UNC13C: variants seen among roughly 807,000 people sequenced by gnomAD.
UNC13C encodes unc-13 homolog C, also known as protein unc-13 homolog C.
UNC13C carries 174 observed loss-of-function variants against 245.4 expected under a neutral mutation model. That is an observed-to-expected ratio of 0.71 (90% CI 0.63 to 0.80). The LOEUF is 0.80. Ranked by LOEUF, UNC13C falls within the 30% of genes least tolerant of loss-of-function variation. The probability of loss-of-function intolerance (pLI) is 0.00; values close to 1 mark genes in which losing one functional copy is unlikely to be tolerated. For missense variants in UNC13C, 2,829 were observed against 2,602.9 expected (o/e 1.09, Z -1.89); for synonymous variants, 992 against 895.1 (o/e 1.11, Z -1.93).
chr15:54,239,323 A>G (rs1442649529), intron 7 of UNC13C, among the ~76,000 whole-genome samples: 1 of 152,194 alleles, frequency 6.6e-6, no homozygotes, highest in East Asian at 1.9e-4. Context: ...ACATATCAGT[A>G]AAACAAAACA....
chr15:54,061,719 C>G (rs967302695), intron 2 of UNC13C, among the ~76,000 whole-genome samples: 4 of 152,140 alleles, frequency 2.6e-5, no homozygotes, highest in African/African-American at 9.7e-5. Flanking sequence ...TTCTATAAAA[C>G]CTTTTCGTGA....
At chr15:54,613,890 T>A (rs1030739291) in intron 30 of UNC13C, among the ~76,000 whole-genome samples, 6 of 151,970 alleles carry the variant, frequency 3.9e-5, no homozygotes, top group African/African-American at 1.4e-4. Flanking sequence ...ATCTTTCCGT[T>A]ATGGAGCTTA....
chr15:54,317,518 A>G (rs534153919), intron 13 of UNC13C, among the ~76,000 whole-genome samples: 4 of 151,936 alleles, frequency 2.6e-5, no homozygotes, highest in African/African-American at 4.8e-5. Flanking sequence ...TAATCTTCCC[A>G]TATTGCATTT....
intron 23 of UNC13C, among the ~76,000 whole-genome samples, chr15:54,509,479 T>G (rs1441865814): frequency 6.6e-6 from 1 of 152,228 alleles, no homozygotes; most frequent in Non-Finnish European, 1.5e-5. Flanking sequence ...GTTCCTAGTC[T>G]GAAACTTTCA....
chr15:54,165,854 C>A (rs1305652773), intron 4 of UNC13C, among the ~76,000 whole-genome samples: 1 of 151,902 alleles, frequency 6.6e-6, no homozygotes. Flanking sequence ...CCCTCCCTCC[C>A]TCTCTTTTTC....
chr15:54,365,652 G>T (rs1031576392), intron 17 of UNC13C, among the ~76,000 whole-genome samples: 1 of 151,948 alleles, frequency 6.6e-6, no homozygotes, highest in Admixed American at 6.6e-5. Context: ...TATGAGCCTT[G>T]GGAGACTCAG....
rs1450897135 is a variant in UNC13C at position 54,265,365 on chromosome 15, A to C, written c.3687A>C (p.Ala1229=). 2 of 1,559,578 alleles carry C rather than the reference A, an allele frequency of 1.3e-6. No individual in the cohort carries two copies. Among genetic ancestry groups the C allele is most frequent in the Non-Finnish European group, 1.7e-6 (2 of 1,150,808 alleles). Residue 1229 remains alanine (A), a synonymous_variant, in exon 10 of 33, where the codon GCA becomes GCC. Coordinates refer to ENST00000260323, the MANE Select transcript of UNC13C (RefSeq NM_001080534.3). ...TTTGGTTTATTTCAGTGGTTTCTGC[A>C]CAGGGTCTACAGGCAAAAGATAAAA... is the stretch of plus-strand genomic sequence containing the variant. ...SAKITITVVS[A]QGLQAKDKTG... is the part of the protein sequence containing the mutation.
downstream of UNC13C, chr15:54,632,799 A>C (rs1238669886): frequency 6.6e-6 from 1 of 152,188 alleles, no homozygotes; most frequent in Non-Finnish European, 1.5e-5. Flanking sequence ...TCTTGAACTC[A>C]GGTAGTAAGA....
At position 54,127,725 on chromosome 15, in the gene UNC13C, A is replaced by ATG. The variant is rs1334777507; in HGVS notation, c.2984-15293_2984-15292insTG. On this transcript the variant is annotated intron_variant, in intron 2 of 32. Transcript: ENST00000260323. Reference sequence around the variant, plus strand: ...TGTGTGTGTGTGTATATATATATATAAAATATATATTAAATATATATTTCA... The same window carrying ATG: ...TGTGTGTGTGTGTATATATATATATATGAAATATATATTAAATATATATTTCA... Among the ~76,000 whole-genome samples the ATG allele has an allele frequency of 3.4e-3, 497 of 146,462 alleles. 5 individuals carry two copies. The highest frequency in any genetic ancestry group is 0.012 in the African/African-American group (472 of 40,112).
At chr15:54,043,466 T>C (rs1896899148) in intron 2 of UNC13C, among the ~76,000 whole-genome samples, 1 of 152,238 alleles carries the variant, frequency 6.6e-6, no homozygotes, top group Non-Finnish European at 1.5e-5. Context: ...TGGTCAGATG[T>C]AGAAACCACA....
In UNC13C at chr15:54,014,776, G is replaced by C. The variant is rs1384015909; in HGVS notation, c.1873G>C (p.Val625Leu). 1 of 1,613,774 alleles carries C rather than the reference G, an allele frequency of 6.2e-7. No individual in the cohort carries two copies. The highest frequency in any genetic ancestry group is 1.3e-5 in the African/African-American group (1 of 74,914). Residue 625 changes from valine (V) to leucine (L), a missense_variant, in exon 2 of 33, where the codon GTG becomes CTG. Val to Leu is a conservative substitution (Grantham distance 32, BLOSUM62 1). Coordinates refer to ENST00000260323, the MANE Select transcript of UNC13C (RefSeq NM_001080534.3). ...GQTETENTET[V>L]DSGMSNGMVC... Reference sequence around the variant, plus strand: ...GACTGAAACTGAAAACACAGAAACTGTGGATAGTGGAATGAGTAATGGCAT... The same window carrying C: ...GACTGAAACTGAAAACACAGAAACTCTGGATAGTGGAATGAGTAATGGCAT...
chr15:54,525,494 C>A, intron 24 of UNC13C, 55 bp from the exon 25 acceptor site: 1 of 1,337,992 alleles, frequency 7.5e-7, no homozygotes, highest in South Asian at 1.3e-5. Context: ...GTAAGCAAAA[C>A]AGAGGCATGC....
chr15:54,015,088 G>A lies in UNC13C; in HGVS notation c.2185G>A (p.Glu729Lys). The A allele has an allele frequency of 6.2e-7, 1 of 1,612,752 alleles. No individual in the cohort carries two copies. Among genetic ancestry groups the A allele is most frequent in the Non-Finnish European group, 8.5e-7 (1 of 1,179,372 alleles). The change falls in exon 2 of 33, where the codon GAA becomes AAA. Residue 729 changes from glutamate to lysine, a missense_variant. Glu to Lys is a moderately conservative substitution (Grantham distance 56). Coordinates refer to ENST00000260323, the MANE Select transcript of UNC13C (RefSeq NM_001080534.3). ...NSSPCPGLDN[E>K]PQGQWVGQYD... ...TTCTCCATGCCCTGGCTTGGATAATGAACCACAAGGCCAGTGGGTTGGCCA... is the reference window on the plus strand; with the variant it reads ...TTCTCCATGCCCTGGCTTGGATAATAAACCACAAGGCCAGTGGGTTGGCCA...
At chr15:54,449,287 C>T (rs1257588579) in intron 19 of UNC13C, among the ~76,000 whole-genome samples, 2 of 152,064 alleles carry the variant, frequency 1.3e-5, no homozygotes, top group South Asian at 2.1e-4. Flanking sequence ...ATCTTTGTAG[C>T]CTTCTCTGTA....
At chr15:54,187,048 A>T (rs1277558829) in intron 4 of UNC13C, among the ~76,000 whole-genome samples, 1 of 151,794 alleles carries the variant, frequency 6.6e-6, no homozygotes, top group African/African-American at 2.4e-5. Flanking sequence ...GGGTTTCACC[A>T]TGTTGGCCAG....
intron 30 of UNC13C, among the ~76,000 whole-genome samples, chr15:54,594,634 C>G (rs1183119127): frequency 2.0e-5 from 3 of 152,084 alleles, no homozygotes; most frequent in Admixed American, 2.0e-4. Context: ...CAGGCCTCAC[C>G]CAGCTCCCGC....
At position 54,626,942 on chromosome 15, in the gene UNC13C, C is replaced by T; in HGVS notation, c.6474C>T (p.Asn2158=). ...GAATGACAGTCATTCAGCTACAGAA[C>T]ATAGCAGAAAAGGGAAGCTATGGGG... is the stretch of plus-strand genomic sequence containing the variant. ...IIGMTVIQLQ[N]IAEKGSYGAW... Residue 2158 remains asparagine (N), a synonymous_variant, in exon 33 of 33, where the codon AAC becomes AAT. Coordinates refer to ENST00000260323, the MANE Select transcript of UNC13C (RefSeq NM_001080534.3). 6.2e-7 allele frequency: 1 copy of T among 1,613,470 alleles called. No individual in the cohort carries two copies. The highest frequency in any genetic ancestry group is 8.5e-7 in the Non-Finnish European group (1 of 1,179,614).
intron 2 of UNC13C, among the ~76,000 whole-genome samples, chr15:54,099,659 G>C (rs915531765): frequency 2.0e-5 from 3 of 151,930 alleles, no homozygotes; most frequent in South Asian, 4.2e-4. Context: ...ATCTGTACTC[G>C]AATATTCCCC....
intron 10 of UNC13C, among the ~76,000 whole-genome samples, chr15:54,271,503 C>T (rs2036687830): frequency 6.6e-6 from 1 of 152,184 alleles, no homozygotes. Flanking sequence ...GAGAAAATGC[C>T]AGTATGGTCT....
Sources: allele counts gnomAD v4.1 joint callset (sites outside exome capture counted in the v4.1 genomes callset), GRCh38; gene constraint gnomAD v4.1.1; transcripts MANE v1.5; gene names NCBI Gene and HGNC (gene_info 2026-07-23, HGNC 2026-07-21).